CDH13: variants seen among roughly 807,000 people sequenced by gnomAD.
The protein encoded by CDH13 is cadherin-13.
CDH13 carries 24 observed loss-of-function variants against 63.8 expected under a neutral mutation model. The ratio of observed to expected loss-of-function variants is 0.38; its 90% CI spans 0.27 to 0.53. The LOEUF (loss-of-function observed/expected upper bound fraction) is 0.53, where lower values mean the gene tolerates loss of function less well. CDH13 is among the 20% of genes least tolerant of loss of function. The pLI is 0.85. For missense variants in CDH13, 1,049 were observed against 903.1 expected (o/e 1.16, Z -2.07); for synonymous variants, 503 against 355.3 (o/e 1.42, Z -4.67).
intron 13 of CDH13, among the ~76,000 whole-genome samples, chr16:83,784,057 G>A (rs180700805): frequency 9.9e-4 from 150 of 152,204 alleles, no homozygotes; most frequent in African/African-American, 3.5e-3. Flanking sequence ...ATAAATACAT[G>A]TCTCAGATAT....
intron 3 of CDH13, among the ~76,000 whole-genome samples, chr16:83,109,219 A>C (rs533995636): frequency 1.3e-5 from 2 of 152,304 alleles, no homozygotes; most frequent in South Asian, 4.1e-4. Context: ...GTGGTCATAA[A>C]GAGGGAAGGG....
intron 3 of CDH13, among the ~76,000 whole-genome samples, chr16:83,118,510 A>C (rs2035416349): frequency 6.6e-6 from 1 of 152,118 alleles, no homozygotes; most frequent in Non-Finnish European, 1.5e-5. Context: ...GCGTGTCTAC[A>C]TGTGTCTGTG....
intron 2 of CDH13, among the ~76,000 whole-genome samples, chr16:82,982,683 A>G (rs1353835395): frequency 6.6e-6 from 1 of 152,152 alleles, no homozygotes; most frequent in African/African-American, 2.4e-5. Context: ...TTTTGCACCA[A>G]CCTAGTAGTT....
intron 8 of CDH13, among the ~76,000 whole-genome samples, chr16:83,649,616 G>A (rs1229851709): frequency 6.6e-6 from 1 of 152,136 alleles, no homozygotes; most frequent in Non-Finnish European, 1.5e-5. Flanking sequence ...GCCAGGGACT[G>A]GAGTTCACTT....
chr16:82,670,088 G>T (rs3844417), intron 1 of CDH13, among the ~76,000 whole-genome samples: 118,066 of 152,112 alleles, frequency 0.78, 46,008 homozygotes, highest in East Asian at 0.94. Context: ...AGATTCTGCC[G>T]GGGTTTCTTG....
At chr16:82,865,990 C>T (rs1227164833) in intron 2 of CDH13, among the ~76,000 whole-genome samples, 1 of 152,140 alleles carries the variant, frequency 6.6e-6, no homozygotes, top group Admixed American at 6.5e-5. Context: ...CTGCCAGATA[C>T]CCTAAATCAC....
intron 3 of CDH13, among the ~76,000 whole-genome samples, chr16:83,122,522 A>G (rs2035627161): frequency 6.6e-6 from 1 of 152,272 alleles, no homozygotes; most frequent in African/African-American, 2.4e-5. Flanking sequence ...CAGTTGCCCC[A>G]CTGATCATAT....
chr16:82,744,212 A>G (rs531577506), intron 1 of CDH13, among the ~76,000 whole-genome samples: 8 of 152,342 alleles, frequency 5.3e-5, no homozygotes, highest in South Asian at 2.1e-4. Context: ...GGAAGCAAAT[A>G]CCTGGTTGGA....
At chr16:83,592,164 G>C (rs950312594) in intron 7 of CDH13, among the ~76,000 whole-genome samples, 3 of 152,086 alleles carry the variant, frequency 2.0e-5, no homozygotes, top group African/African-American at 4.8e-5. Flanking sequence ...TTACTTCTTC[G>C]CACCATCCCG....
intron 4 of CDH13, among the ~76,000 whole-genome samples, chr16:83,159,007 T>G (rs1357228087): frequency 6.6e-6 from 1 of 152,212 alleles, no homozygotes; most frequent in East Asian, 1.9e-4. Flanking sequence ...TCATTTGGTT[T>G]CCAAATTTAT....
chr16:82,801,924 T>G (rs147958772), intron 1 of CDH13, among the ~76,000 whole-genome samples: 35 of 152,316 alleles, frequency 2.3e-4, no homozygotes, highest in African/African-American at 8.4e-4. Context: ...TGTGAAGTGA[T>G]GCAGGAAACT....
At chr16:82,852,144 C>A (rs898258901) in intron 1 of CDH13, among the ~76,000 whole-genome samples, 2 of 152,190 alleles carry the variant, frequency 1.3e-5, no homozygotes, top group Non-Finnish European at 2.9e-5. Flanking sequence ...GGAAGTTTCT[C>A]TCTTTATTTG....
chr16:82,950,425 A>G (rs1905174012), intron 2 of CDH13, among the ~76,000 whole-genome samples: 1 of 151,954 alleles, frequency 6.6e-6, no homozygotes, highest in South Asian at 2.1e-4. Flanking sequence ...TATGGGAGGG[A>G]CTGGGTGGGA....
chr16:83,606,420 G>C (rs1908335780), intron 8 of CDH13, among the ~76,000 whole-genome samples: 1 of 152,122 alleles, frequency 6.6e-6, no homozygotes, highest in South Asian at 2.1e-4. Flanking sequence ...GAACAAAATA[G>C]AGGTAGTTTC....
chr16:83,016,112 T>A (rs1914768761), intron 2 of CDH13, among the ~76,000 whole-genome samples: 1 of 152,138 alleles, frequency 6.6e-6, no homozygotes, highest in Admixed American at 6.5e-5. Context: ...GATGATGCCA[T>A]ATGGCCTAAG....
chr16:82,897,931 G>A (rs955604985), intron 2 of CDH13, among the ~76,000 whole-genome samples: 1 of 152,220 alleles, frequency 6.6e-6, no homozygotes, highest in African/African-American at 2.4e-5. Flanking sequence ...CATGGACTAA[G>A]TGTTAATCTT....
intron 10 of CDH13, among the ~76,000 whole-genome samples, chr16:83,698,769 G>A (rs1165065807): frequency 6.6e-6 from 1 of 152,220 alleles, no homozygotes; most frequent in Non-Finnish European, 1.5e-5. Flanking sequence ...CGGTTGGCAA[G>A]TTTCTTCTAT....
At chr16:83,236,852 C>T (rs1597572967) in intron 5 of CDH13, among the ~76,000 whole-genome samples, 2 of 152,174 alleles carry the variant, frequency 1.3e-5, no homozygotes, top group East Asian at 1.9e-4. Context: ...CTGGGTTTCC[C>T]TTTGAAGTCA....
At chr16:83,116,468 C>A (rs2035299636) in intron 3 of CDH13, among the ~76,000 whole-genome samples, 1 of 152,184 alleles carries the variant, frequency 6.6e-6, no homozygotes, top group African/African-American at 2.4e-5. Flanking sequence ...ACACTCCTGA[C>A]CAGTCAGTGG....
Sources: gnomAD v4.1 joint callset for allele counts (sites outside exome capture counted in the v4.1 genomes callset) on GRCh38, gnomAD v4.1.1 for gene constraint, MANE v1.5 for transcripts, NCBI Gene and HGNC (gene_info 2026-07-23, HGNC 2026-07-21) for gene names.